The following FANK1 variants were observed in gnomAD, a reference collection of about 807,000 sequenced individuals.
FANK1 encodes fibronectin type 3 and ankyrin repeat domains protein 1.
FANK1 carries 44 observed loss-of-function variants against 45.3 expected under a neutral mutation model. That is an observed-to-expected ratio of 0.97 (90% CI 0.76 to 1.25). FANK1 has a LOEUF of 1.25. Ranked by LOEUF, FANK1 falls within the 50% of genes most tolerant of loss-of-function variation. The probability of loss-of-function intolerance (pLI) is 0.00; values close to 1 mark genes in which losing one functional copy is unlikely to be tolerated. For missense variants in FANK1, 391 were observed against 424.4 expected (o/e 0.92, Z 0.69); for synonymous variants, 149 against 152.5 (o/e 0.98, Z 0.17).
chr10:125,907,556 GGTT>G lies in FANK1; in HGVS notation c.13+10905_13+10907del, dbSNP rs937474179. ...CTGACGTAATATTGCAAATGTGATG[GGTT>G]GTTACTCCTGGGATGTGTGTGTGTG... On this transcript the variant is annotated intron_variant, in intron 1 of 10. Coordinates refer to ENST00000368693, the MANE Select transcript of FANK1 (RefSeq NM_145235.5). The G allele has an allele frequency of 4.1e-6, 4 of 978,510 alleles. No homozygotes were observed. The African/African-American group carries it at 7.1e-5, about 17-fold the overall frequency. 60.6% of individuals were successfully genotyped at this position (978,510 alleles called of 1,614,324 possible).
intron 1 of FANK1, among the ~76,000 whole-genome samples, chr10:125,964,267 G>A (rs1368095015): frequency 7.4e-6 from 1 of 134,938 alleles, no homozygotes; most frequent in Non-Finnish European, 1.5e-5. Flanking sequence ...ATCTCTGCTC[G>A]CTGCAACCTC....
chr10:125,959,413 CAAAAAA>C (rs767754151), intron 1 of FANK1, among the ~76,000 whole-genome samples: 2 of 74,710 alleles, frequency 2.7e-5, no homozygotes, highest in African/African-American at 1.1e-4. Context: ...GACTCTGTCT[CAAAAAA>C]AAAAAAAAAA....
At chr10:125,905,130 C>CA (rs11289535) in intron 1 of FANK1, among the ~76,000 whole-genome samples, 3,858 of 68,038 alleles carry the variant, frequency 0.057, 123 homozygotes, top group African/African-American at 0.1. Context: ...GACTCTGTCC[C>CA]AAAAAAAAAA....
At chr10:125,901,819 T>G (rs1945059566) in intron 1 of FANK1, among the ~76,000 whole-genome samples, 1 of 152,220 alleles carries the variant, frequency 6.6e-6, no homozygotes, top group Admixed American at 6.5e-5. Flanking sequence ...TTGTAATTAT[T>G]TTGTTAATAT....
At chr10:125,997,354 GGACTA>G in intron 5 of FANK1, 61 bp from the exon 6 acceptor site, 1 of 1,304,698 alleles carries the variant, frequency 7.7e-7, no homozygotes, top group Middle Eastern at 1.9e-4. Context: ...CATTTTTACT[GGACTA>G]TTGTGGGTTC....
intron 1 of FANK1, among the ~76,000 whole-genome samples, chr10:125,904,155 G>A (rs1368587595): frequency 2.0e-5 from 3 of 152,000 alleles, no homozygotes; most frequent in South Asian, 2.1e-4. Context: ...AACACTGAGC[G>A]TAGTATTAGT....
At chr10:125,954,593 G>A (rs1302609318) in intron 1 of FANK1, among the ~76,000 whole-genome samples, 1 of 150,536 alleles carries the variant, frequency 6.6e-6, no homozygotes, top group South Asian at 2.1e-4. Context: ...TTTTTTTCCT[G>A]TACTGGGCAA....
intron 1 of FANK1, among the ~76,000 whole-genome samples, chr10:125,959,207 G>T (rs1030098072): frequency 6.6e-6 from 1 of 151,460 alleles, no homozygotes; most frequent in African/African-American, 2.4e-5. Flanking sequence ...GACCAGCCTG[G>T]CCAACATGGT....
rs148615035 is a variant in FANK1, at chr10:125,913,461, A to C, written c.13+16806A>C. Among the ~76,000 whole-genome samples, 700 of 152,266 alleles carry C rather than the reference A, an allele frequency of 4.6e-3. 3 individuals are homozygous for C. Among genetic ancestry groups the C allele is most frequent in the African/African-American group, 0.016 (645 of 41,550 alleles). On this transcript the variant is annotated intron_variant, in intron 1 of 10. Coordinates refer to ENST00000368693, the MANE Select transcript of FANK1 (RefSeq NM_145235.5). ...TCCTGGCGCTCAGCTTCATTCACTA[A>C]TCAGTTGCCCGTTGGTAACTTGATT... is the stretch of plus-strand genomic sequence containing the variant.
Position 125,988,496 on chromosome 10 carries a change from A to G in FANK1, c.192-55A>G, listed in dbSNP as rs1294860393. The stretch of plus-strand genomic sequence containing the variant: ...ACCTGCTCTTCTGCTGTCTTATCAG[A>G]GAGTGCAGATTAAGCTACCTGGTGT... On this transcript the variant is annotated intron_variant, in intron 2 of 10. Transcript: ENST00000368693. 2.5e-6 allele frequency: 4 copies of G among 1,590,130 alleles called. No homozygotes were observed. The African/African-American group carries it at 5.4e-5, about 21-fold the overall frequency.
chr10:125,940,768 G>GGCTTTCA (rs1198139923), intron 1 of FANK1, among the ~76,000 whole-genome samples: 2 of 152,216 alleles, frequency 1.3e-5, no homozygotes, highest in African/African-American at 4.8e-5. Context: ...CTTGGGCAGA[G>GGCTTTCA]GTACCTGCGG....
At chr10:125,989,928 C>G (rs1951813693) in intron 3 of FANK1, among the ~76,000 whole-genome samples, 1 of 152,206 alleles carries the variant, frequency 6.6e-6, no homozygotes, top group African/African-American at 2.4e-5. Context: ...GGCTACCTTT[C>G]TGCTCCCTCC....
At chr10:125,930,040 C>T (rs1051437838) in intron 1 of FANK1, among the ~76,000 whole-genome samples, 14 of 152,092 alleles carry the variant, frequency 9.2e-5, no homozygotes, top group African/African-American at 2.7e-4. Flanking sequence ...ACTTTGGCAC[C>T]GTTTATTAAA....
chr10:125,924,487 C>T (rs556507225), intron 1 of FANK1, among the ~76,000 whole-genome samples: 10 of 152,060 alleles, frequency 6.6e-5, no homozygotes, highest in South Asian at 6.2e-4. Context: ...CTCTTCACCT[C>T]GTGATCCACC....
intron 1 of FANK1, among the ~76,000 whole-genome samples, chr10:125,906,799 G>A (rs1171830611): frequency 1.3e-5 from 2 of 152,074 alleles, no homozygotes; most frequent in African/African-American, 4.8e-5. Flanking sequence ...ACCAGTCCCA[G>A]CCATCTTTAG....
At chr10:125,979,796 C>A (rs879090090) in intron 1 of FANK1, 2 of 464,820 alleles carry the variant, frequency 4.3e-6, no homozygotes, top group Admixed American at 2.3e-5. Context: ...TCAGATAGAG[C>A]ATTTGTCTCT....
At chr10:125,988,923 AC>A (rs1196878078) in intron 3 of FANK1, 2 of 609,702 alleles carry the variant, frequency 3.3e-6, no homozygotes, top group South Asian at 1.8e-5. Context: ...GCCATTCAGC[AC>A]AAAAGGGTGG....
chr10:125,919,812 C>CTA (rs970654464), intron 1 of FANK1, among the ~76,000 whole-genome samples: 7 of 152,180 alleles, frequency 4.6e-5, no homozygotes, highest in Non-Finnish European at 8.8e-5. Context: ...CCCAAAAACT[C>CTA]TAGATGATTT....
intron 1 of FANK1, among the ~76,000 whole-genome samples, chr10:125,924,623 C>G (rs1444851580): frequency 1.3e-5 from 2 of 152,232 alleles, no homozygotes; most frequent in Non-Finnish European, 2.9e-5. Flanking sequence ...GCCTGGACAA[C>G]ATGGTGAAAC....
Sources: gnomAD v4.1 joint callset for allele counts (sites outside exome capture counted in the v4.1 genomes callset) on GRCh38, gnomAD v4.1.1 for gene constraint, MANE v1.5 for transcripts, NCBI Gene and HGNC (gene_info 2026-07-23, HGNC 2026-07-21) for gene names.